MBD1: variants seen among roughly 807,000 people sequenced by gnomAD.
MBD1 encodes methyl-CpG-binding domain protein 1.
Under a neutral mutation model 82.6 loss-of-function variants are expected in MBD1, and 25 were observed. The observed-to-expected ratio is 0.30, with a 90% CI of 0.22 to 0.42. The LOEUF (loss-of-function observed/expected upper bound fraction) is 0.42. Among genes scored for constraint, MBD1 ranks in the 10% least tolerant of loss-of-function variants. The pLI is 1.00. For synonymous variants in MBD1, 301 were observed against 303.7 expected, an observed-to-expected ratio of 0.99 and a Z score of 0.09; for missense variants, 627 against 819.6, an observed-to-expected ratio of 0.76 and a Z score of 2.87.
chr18:50,273,450 T>G lies in MBD1; in HGVS notation c.1468A>C (p.Ser490Arg). Residue 490 changes from serine to arginine, a missense_variant, in exon 13 of 17, where the codon AGT becomes CGT. Ser to Arg is a moderately radical substitution (Grantham distance 110). Around this residue, in one of 6 missense-constraint regions of MBD1, gnomAD observed 265 missense variants for 278.4 expected, o/e 0.95. Coordinates refer to ENST00000269468, the MANE Select transcript of MBD1 (RefSeq NM_015846.4). Reference protein sequence around the residue: ...LLQEAQCSGLSWVVALPQVKQ... With the variant: ...LLQEAQCSGLRWVVALPQVKQ... ...ACCTGGGGTAAGGCCACAACCCAACTCAGGCCAGAGCACTGGGCCTCCTGC... is the reference window on the plus strand; with the variant it reads ...ACCTGGGGTAAGGCCACAACCCAACGCAGGCCAGAGCACTGGGCCTCCTGC... The G allele has an allele frequency of 6.2e-7, 1 of 1,614,156 alleles. No individual in the cohort carries two copies. Among genetic ancestry groups the G allele is most frequent in the African/African-American group, 1.3e-5 (1 of 75,032 alleles).
chr18:50,271,972 C>A (rs2035758496), intron 15 of MBD1, among the ~76,000 whole-genome samples: 1 of 152,198 alleles, frequency 6.6e-6, no homozygotes, highest in South Asian at 2.1e-4. Context: ...AGCCAGCACT[C>A]CTCTGTCCTC....
In MBD1 at chr18:50,273,681, T is replaced by C. The variant is rs1478222873; in HGVS notation, c.1329A>G (p.Ala443=). Reference sequence around the variant, plus strand: ...GCGGGGGCAGCACAAAGCCACCACCTGCTTCCTGCTTCGTTGGAGCCTGGG... The same window carrying C: ...GCGGGGGCAGCACAAAGCCACCACCCGCTTCCTGCTTCGTTGGAGCCTGGG... ...DHTQAPTKQE[A]GGGFVLPPPG... The change falls in exon 12 of 17, where the codon GCA becomes GCG. Residue 443 remains alanine, a synonymous_variant. Transcript: ENST00000269468. 5 of 1,613,994 alleles carry C rather than the reference T, an allele frequency of 3.1e-6. No individual in the cohort carries two copies. Among genetic ancestry groups the C allele is most frequent in the African/African-American group, 1.3e-5 (1 of 74,948 alleles).
rs2035499937 is a variant in MBD1, at chr18:50,271,481, A to G, written c.*20T>C. ...CTGCAAATATCACCTTGAATCCTACAGTCTGTAGAAGCCTCCAGTCTACTG... is the reference window on the plus strand; with the variant it reads ...CTGCAAATATCACCTTGAATCCTACGGTCTGTAGAAGCCTCCAGTCTACTG... On this transcript the variant is annotated 3_prime_UTR_variant, in exon 16 of 17. Transcript: ENST00000269468. 1.2e-6 allele frequency: 2 copies of G among 1,614,144 alleles called. No individual in the cohort carries two copies. The highest frequency in any genetic ancestry group is 1.3e-5 in the African/African-American group (1 of 75,024).
chr18:50,273,092 A>T (rs768361805), intron 13 of MBD1, 137 bp from the exon 14 acceptor site: 41 of 1,305,338 alleles, frequency 3.1e-5, no homozygotes, highest in Non-Finnish European at 4.1e-5. Context: ...CTCTCTGCCT[A>T]CAAAGCTTTC....
At chr18:50,274,092 A>G in intron 11 of MBD1, 94 bp downstream of exon 11, 1 of 1,532,092 alleles carries the variant, frequency 6.5e-7, no homozygotes, top group Non-Finnish European at 9.0e-7. Context: ...CTACTGCCCC[A>G]CCCACCCACC....
intron 1 of MBD1, among the ~76,000 whole-genome samples, chr18:50,280,650 C>A (rs1044696415): frequency 6.6e-6 from 1 of 151,992 alleles, no homozygotes; most frequent in South Asian, 2.1e-4. Context: ...TCATCTTTTC[C>A]ATTCCTCACA....
At chr18:50,275,067 G>A (rs2037219132) in intron 9 of MBD1, 22 bp from the exon 10 acceptor site, 2 of 1,613,536 alleles carry the variant, frequency 1.2e-6, no homozygotes, top group African/African-American at 1.3e-5. Flanking sequence ...AATGGGGTGG[G>A]GTCAGGGCAG....
rs147388785 is a variant in MBD1, at chr18:50,275,602, G to A, written c.790C>T (p.Arg264Trp). Reference protein sequence around the residue: ...QWKCVQRRCLRGKHARRKGGC... With the variant: ...QWKCVQRRCLWGKHARRKGGC... Reference sequence around the variant, plus strand: ...CTGCTCCCTCCAGCCCAACTCACCCGTAGGCAACGTCGCTGGACACATTTC... The same window carrying A: ...CTGCTCCCTCCAGCCCAACTCACCCATAGGCAACGTCGCTGGACACATTTC... The change falls in exon 8 of 17, where the codon CGG (arginine) becomes TGG (tryptophan). Residue 264 changes from arginine (R) to tryptophan (W), a missense_variant and splice_region_variant. Around this residue, in one of 6 missense-constraint regions of MBD1, gnomAD observed 228 missense variants for 318.1 expected, o/e 0.72. Transcript: ENST00000269468. The A allele has an allele frequency of 1.2e-5, 20 of 1,613,912 alleles. No homozygotes were observed. Among genetic ancestry groups the A allele is most frequent in the Admixed American group, 1.2e-4 (7 of 60,002 alleles).
intron 16 of MBD1, chr18:50,270,049 C>T: frequency 6.3e-7 from 1 of 1,597,934 alleles, no homozygotes; most frequent in South Asian, 1.1e-5. Flanking sequence ...AGATCATTGT[C>T]AAAATTACCA....
chr18:50,274,385 C>T (rs2146979119), intron 10 of MBD1, 32 bp from the exon 11 acceptor site: 3 of 1,604,478 alleles, frequency 1.9e-6, no homozygotes, highest in South Asian at 2.2e-5. Context: ...GTGCTGTCAA[C>T]TAGGACTAGG....
Position 50,273,564 on chromosome 18 carries a change from C to T in MBD1, c.1446G>A (p.Gln482=), listed in dbSNP as rs1159996475. 1 of 1,612,928 alleles carries T rather than the reference C, an allele frequency of 6.2e-7. No homozygotes were observed. Among genetic ancestry groups the T allele is most frequent in the African/African-American group, 1.3e-5 (1 of 75,066 alleles). The part of the protein sequence containing the change: ...PVAASTEALL[Q]EAQCSGLSWV... Reference sequence around the variant, plus strand: ...AGGCAGGACAGGGTGGGGCCCTCACCTGCAACAGGGCTTCTGTGGAAGCTG... The same window carrying T: ...AGGCAGGACAGGGTGGGGCCCTCACTTGCAACAGGGCTTCTGTGGAAGCTG... The change falls in exon 12 of 17, where the codon CAG becomes CAA. Residue 482 remains glutamine (Q), a splice_region_variant and synonymous_variant. Transcript: ENST00000269468.
rs748795958 is a variant in MBD1 at position 50,279,870 on chromosome 18, AC to A, written c.110+12del. On this transcript the variant is annotated intron_variant, in intron 2 of 16. Transcript: ENST00000269468. ...TACCCCACTCCTGACTCTGCCCACTACCCACCCAGTACCTCTGGTAATAGGT... is the reference window on the plus strand; with the variant it reads ...TACCCCACTCCTGACTCTGCCCACTACCACCCAGTACCTCTGGTAATAGGT... 6.6e-5 allele frequency: 107 copies of A among 1,613,822 alleles called. No individual in the cohort carries two copies. In the East Asian group the frequency reaches 2.3e-3, roughly 35 times the overall value.
chr18:50,269,082 G>C lies in MBD1; in HGVS notation c.*769C>G, dbSNP rs1306396401. The C allele has an allele frequency of 2.5e-5, 25 of 987,738 alleles. No homozygotes were observed. Among genetic ancestry groups the C allele is most frequent in the Non-Finnish European group, 2.9e-5 (24 of 831,098 alleles). 61.2% of individuals were successfully genotyped at this position (987,738 alleles called of 1,614,324 possible). A position where few individuals can be genotyped will look rare whatever the true frequency, so the allele number is the denominator to read the frequency against. ...TAAAATTGCATGGGCCGTATCTTTTGCATTTCTGTATCCTAGTATTAAGTA... is the reference window on the plus strand; with the variant it reads ...TAAAATTGCATGGGCCGTATCTTTTCCATTTCTGTATCCTAGTATTAAGTA... On this transcript the variant is annotated 3_prime_UTR_variant, in exon 17 of 17. Transcript: ENST00000269468.
At chr18:50,274,096 A>T in intron 11 of MBD1, 90 bp downstream of exon 11, 2 of 1,546,318 alleles carry the variant, frequency 1.3e-6, no homozygotes, top group Non-Finnish European at 8.9e-7. Context: ...TGCCCCACCC[A>T]CCCACCTACC....
chr18:50,271,188 A>G, intron 16 of MBD1: 1 of 1,268,428 alleles, frequency 7.9e-7, no homozygotes, highest in Non-Finnish European at 1.0e-6. Flanking sequence ...TGGTGGCTTT[A>G]ATTATATTAC....
intron 5 of MBD1, 81 bp downstream of exon 5, chr18:50,276,581 C>CA (rs1197833369): frequency 6.5e-7 from 1 of 1,531,998 alleles, no homozygotes; most frequent in Non-Finnish European, 9.0e-7. Context: ...CTGACATCCA[C>CA]ATTCAAACCC....
At chr18:50,268,318 C>T (rs1179633984), downstream of MBD1, among the ~76,000 whole-genome samples, 1 of 152,248 alleles carries the variant, frequency 6.6e-6, no homozygotes, top group Non-Finnish European at 1.5e-5. Context: ...ATTTCTGAGG[C>T]GATGGGGTAA....
chr18:50,269,332 G>A lies in MBD1; in HGVS notation c.*519C>T. ...AGCGGATTCATGGTAGGGTGGCTTT[G>A]TAATGTGTCACCTTGGTGAGGCTAT... On this transcript the variant is annotated 3_prime_UTR_variant, in exon 17 of 17. Transcript: ENST00000269468. 1 of 1,301,132 alleles carries A rather than the reference G, an allele frequency of 7.7e-7. No homozygotes were observed. Among genetic ancestry groups the A allele is most frequent in the South Asian group, 1.6e-5 (1 of 64,396 alleles). 80.6% of individuals were successfully genotyped at this position (1,301,132 alleles called of 1,614,324 possible). A position where few individuals can be genotyped will look rare whatever the true frequency, so the allele number is the denominator to read the frequency against.
Position 50,272,723 on chromosome 18 carries a change from T to A in MBD1, c.1732A>T (p.Ser578Cys). ...AGTPVITEIF[S>C]LGGTRFRDTA... is the part of the protein sequence containing the mutation. Reference sequence around the variant, plus strand: ...TCTCGGAAGCGGGTTCCACCCAGGCTGAAAATCTCCGTGATCTAGAGAAGA... The same window carrying A: ...TCTCGGAAGCGGGTTCCACCCAGGCAGAAAATCTCCGTGATCTAGAGAAGA... The change falls in exon 15 of 17, where the codon AGC becomes TGC. Residue 578 changes from serine (S) to cysteine (C), a missense_variant. Transcript: ENST00000269468. 6.2e-7 allele frequency: 1 copy of A among 1,614,156 alleles called. No individual in the cohort carries two copies. Among genetic ancestry groups the A allele is most frequent in the Non-Finnish European group, 8.5e-7 (1 of 1,180,040 alleles).
Sources: gnomAD v4.1 joint callset for allele counts (sites outside exome capture counted in the v4.1 genomes callset) on GRCh38, gnomAD v4.1.1 for gene constraint, gnomAD v4.1.1 regional missense constraint, MANE v1.5 for transcripts, NCBI Gene and HGNC (gene_info 2026-07-23, HGNC 2026-07-21) for gene names.